TSPEAR: variants seen among roughly 807,000 people sequenced by gnomAD.
TSPEAR encodes the protein thrombospondin-type laminin G domain and EAR repeat-containing protein.
TSPEAR carries 69 observed loss-of-function variants against 71.6 expected under a neutral mutation model. The ratio of observed to expected loss-of-function variants is 0.96; its 90% CI spans 0.79 to 1.18. TSPEAR has a LOEUF of 1.18. Among genes scored for constraint, TSPEAR ranks in the 50% most tolerant of loss-of-function variants. The pLI is 0.00. For synonymous variants in TSPEAR, 402 were observed against 387.2 expected, an observed-to-expected ratio of 1.04 and a Z score of -0.45; for missense variants, 971 against 894.9, an observed-to-expected ratio of 1.09 and a Z score of -1.09.
chr21:44,596,569 T>C (rs1277986215), intron 1 of TSPEAR, among the ~76,000 whole-genome samples: 1 of 152,216 alleles, frequency 6.6e-6, no homozygotes, highest in Non-Finnish European at 1.5e-5. Context: ...TTTTGAATTG[T>C]GATGTGTAGC....
chr21:44,533,836 G>C lies in TSPEAR; in HGVS notation c.391C>G (p.Leu131Val). The C allele has an allele frequency of 1.2e-6, 2 of 1,612,570 alleles. No homozygotes were observed. The highest frequency in any genetic ancestry group is 1.7e-6 in the Non-Finnish European group (2 of 1,179,916). The change falls in exon 3 of 12, where the codon CTG (leucine) becomes GTG (valine). Residue 131 changes from leucine (L) to valine (V), a missense_variant. Coordinates refer to ENST00000323084, the MANE Select transcript of TSPEAR (RefSeq NM_144991.3). ...LRLSPAQLHF[L>V]FLREDTAGAW... ...CCGGCCGTGTCCTCGCGAAGGAACA[G>C]GAAGTGCAGCTGGGCAGGTGACAAC...
At chr21:44,690,148 G>C (rs138371896) in intron 1 of TSPEAR, among the ~76,000 whole-genome samples, 1 of 152,140 alleles carries the variant, frequency 6.6e-6, no homozygotes, top group African/African-American at 2.4e-5. Context: ...AAATCGCTCT[G>C]ATTTGGAACA....
intron 2 of TSPEAR, among the ~76,000 whole-genome samples, chr21:44,543,629 A>G (rs1555917449): frequency 1.3e-5 from 2 of 152,226 alleles, no homozygotes; most frequent in East Asian, 3.8e-4. Flanking sequence ...CAGAGAAAGG[A>G]GAAGGAAGTT....
intron 9 of TSPEAR, chr21:44,519,475 A>G (rs1322469125): frequency 6.6e-6 from 1 of 152,280 alleles, no homozygotes; most frequent in East Asian, 1.9e-4. Context: ...CTCCAGGTCA[A>G]TGATTACTGG....
At position 44,509,381 on chromosome 21, in the gene TSPEAR, G is replaced by A. The variant is rs370714403; in HGVS notation, c.1572C>T (p.Phe524=). 12 of 1,610,864 alleles carry A rather than the reference G, an allele frequency of 7.4e-6. No individual in the cohort carries two copies. The highest frequency in any genetic ancestry group is 4.0e-5 in the African/African-American group (3 of 74,638). The change falls in exon 10 of 12, where the codon TTC becomes TTT. Residue 524 remains phenylalanine (F), a synonymous_variant. Transcript: ENST00000323084. ...SFQLFQSFPT[F]GAADWEVFQI... Reference sequence around the variant, plus strand: ...GGAAGACCTCCCAGTCTGCAGCACCGAACGTCTAGGACCAAAGGAGAGCAG... The same window carrying A: ...GGAAGACCTCCCAGTCTGCAGCACCAAACGTCTAGGACCAAAGGAGAGCAG...
At chr21:44,534,044 AGGGGCGAGGTGAG>A (rs2053033128) in intron 2 of TSPEAR, 121 bp from the exon 3 acceptor site, 1 of 695,562 alleles carries the variant, frequency 1.4e-6, no homozygotes, top group Non-Finnish European at 2.4e-6. Context: ...GGCTGACTGG[AGGGGCGAGGTGAG>A]GGGGCGCGGT....
intron 1 of TSPEAR, among the ~76,000 whole-genome samples, chr21:44,669,127 A>C (rs1985931506): frequency 6.6e-6 from 1 of 152,254 alleles, no homozygotes; most frequent in African/African-American, 2.4e-5. Flanking sequence ...ATTAAACAGC[A>C]TCACATATAT....
At chr21:44,517,973 A>T (rs2052634063) in intron 9 of TSPEAR, 2 of 407,154 alleles carry the variant, frequency 4.9e-6, no homozygotes, top group Admixed American at 6.2e-5. Context: ...AACTTTGGTT[A>T]GCCAGATACA....
Position 44,646,501 on chromosome 21 carries a change from G to A in TSPEAR, c.82+64932C>T, listed in dbSNP as rs371095766. On this transcript the variant is annotated intron_variant, in intron 1 of 11. Transcript: ENST00000323084. ...GTCTGTCTGCTCCAGCGCTTACTCCGACTCCTGGCAGGTGGACGACTGCCC... is the reference window on the plus strand; with the variant it reads ...GTCTGTCTGCTCCAGCGCTTACTCCAACTCCTGGCAGGTGGACGACTGCCC... 1.9e-4 allele frequency: 303 copies of A among 1,612,230 alleles called. No homozygotes were observed. The highest frequency in any genetic ancestry group is 2.3e-4 in the Non-Finnish European group (271 of 1,179,848).
chr21:44,644,901 A>G (rs79594242), intron 1 of TSPEAR, among the ~76,000 whole-genome samples: 2,139 of 150,726 alleles, frequency 0.014, 58 homozygotes, highest in African/African-American at 0.05. Context: ...ACTTTAGAAC[A>G]ATAAAAAGAA....
intron 1 of TSPEAR, chr21:44,627,876 C>T (rs1555934873): frequency 6.2e-7 from 1 of 1,613,070 alleles, no homozygotes; most frequent in Non-Finnish European, 8.5e-7. Context: ...CCCTCCTCTG[C>T]CGCCCTGTGT....
At chr21:44,538,617 G>C (rs62218856) in intron 2 of TSPEAR, among the ~76,000 whole-genome samples, 28,192 of 152,164 alleles carry the variant, frequency 0.19, 2,750 homozygotes, top group South Asian at 0.35. Flanking sequence ...ACACAGGGAG[G>C]GTGACCAGGC....
chr21:44,561,595 A>C (rs1255624047), intron 2 of TSPEAR, among the ~76,000 whole-genome samples: 1 of 152,254 alleles, frequency 6.6e-6, no homozygotes, highest in African/African-American at 2.4e-5. Context: ...AATACTGGCA[A>C]ACTGAATCCA....
chr21:44,587,872 A>C (rs1555925876), intron 1 of TSPEAR, among the ~76,000 whole-genome samples: 1 of 152,248 alleles, frequency 6.6e-6, no homozygotes, highest in Non-Finnish European at 1.5e-5. Context: ...ATAAAAATCA[A>C]CTCAAGATGG....
At position 44,509,198 on chromosome 21, in the gene TSPEAR, C is replaced by T. The variant is rs782504151; in HGVS notation, c.1754+1G>A. 24 of 1,613,316 alleles carry T rather than the reference C, an allele frequency of 1.5e-5. 1 individual carries two copies. The South Asian group carries it at 2.4e-4, about 16-fold the overall frequency. ...TCCCACTGGCCTGTGGAGGCGCATA[C>T]CTGCAGGTGAGAATGTCCTGGAACT... On this transcript the variant is annotated splice_donor_variant, in intron 10 of 11. Coordinates refer to ENST00000323084, the MANE Select transcript of TSPEAR (RefSeq NM_144991.3). LOFTEE classifies it high-confidence loss of function.
In TSPEAR at chr21:44,551,453, G is replaced by A. The variant is rs782087992; in HGVS notation, c.303+16332C>T. 24 of 1,608,402 alleles carry A rather than the reference G, an allele frequency of 1.5e-5. No homozygotes were observed. The South Asian group carries it at 1.6e-4, about 10-fold the overall frequency. ...TGGAGCAGATGGACATGGTGGAGGC[G>A]GCCATGCTGGAGTGGGGAGGAGGTG... is the stretch of plus-strand genomic sequence containing the variant. On this transcript the variant is annotated intron_variant, in intron 2 of 11. Coordinates refer to ENST00000323084, the MANE Select transcript of TSPEAR (RefSeq NM_144991.3).
At chr21:44,580,746 T>C in intron 1 of TSPEAR, 1 of 729,542 alleles carries the variant, frequency 1.4e-6, no homozygotes, top group Non-Finnish European at 2.3e-6. Flanking sequence ...CTTCTCTTCC[T>C]TGTTGGTGTT....
chr21:44,586,383 C>T (rs379858), intron 1 of TSPEAR, among the ~76,000 whole-genome samples: 143,922 of 152,258 alleles, frequency 0.95, 68,170 homozygotes, highest in Non-Finnish European at 0.97. Context: ...TCTGGTACCA[C>T]TCATTTTTAT....
At position 44,603,546 on chromosome 21, in the gene TSPEAR, G is replaced by A. The variant is rs1378896906; in HGVS notation, c.83-35541C>T. Among the ~76,000 whole-genome samples, 6 of 152,290 alleles carry A rather than the reference G, an allele frequency of 3.9e-5. No individual in the cohort carries two copies. The South Asian group carries it at 6.2e-4, about 16-fold the overall frequency. Reference sequence around the variant, plus strand: ...GGCATGTGAGCCTCTGGGGAAACACGCCCCCCACGCCCCGGGTGTGAACTT... The same window carrying A: ...GGCATGTGAGCCTCTGGGGAAACACACCCCCCACGCCCCGGGTGTGAACTT... On this transcript the variant is annotated intron_variant, in intron 1 of 11. Coordinates refer to ENST00000323084, the MANE Select transcript of TSPEAR (RefSeq NM_144991.3).
Sources: allele counts gnomAD v4.1 joint callset (sites outside exome capture counted in the v4.1 genomes callset), GRCh38; gene constraint gnomAD v4.1.1; transcripts MANE v1.5; gene names NCBI Gene and HGNC (gene_info 2026-07-23, HGNC 2026-07-21).